The following TFG variants were observed in gnomAD, a reference collection of about 807,000 sequenced individuals.
TFG encodes the protein protein TFG.
In TFG, 22 loss-of-function variants were observed where a neutral mutation model predicts 51.4. That is an observed-to-expected ratio of 0.43 (90% CI 0.31 to 0.61). TFG has a LOEUF of 0.61. Among genes scored for constraint, TFG ranks in the 20% least tolerant of loss-of-function variants. The probability of loss-of-function intolerance (pLI) is 0.12; values close to 1 mark genes in which losing one functional copy is unlikely to be tolerated. For missense variants in TFG, 419 were observed against 487.7 expected (o/e 0.86, Z 1.33); for synonymous variants, 187 against 165.6 (o/e 1.13, Z -0.99).
At chr3:100,723,853 C>G (rs1267988409) in intron 3 of TFG, among the ~76,000 whole-genome samples, 1 of 150,796 alleles carries the variant, frequency 6.6e-6, no homozygotes, top group African/African-American at 2.4e-5. Flanking sequence ...TTCGAGTACT[C>G]ATAGTGCATT....
chr3:100,732,188 A>G (rs1051717472), intron 4 of TFG, among the ~76,000 whole-genome samples: 1 of 152,184 alleles, frequency 6.6e-6, no homozygotes, highest in Non-Finnish European at 1.5e-5. Context: ...GGGCTCCAAA[A>G]AAACCAAAAA....
At chr3:100,736,128 A>T (rs866782842) in intron 5 of TFG, among the ~76,000 whole-genome samples, 4 of 152,248 alleles carry the variant, frequency 2.6e-5, no homozygotes, top group Non-Finnish European at 5.9e-5. Flanking sequence ...AGGTTAGTTT[A>T]GCTGAAAGGG....
At chr3:100,733,312 G>C (rs1291682373) in intron 5 of TFG, among the ~76,000 whole-genome samples, 1 of 152,034 alleles carries the variant, frequency 6.6e-6, no homozygotes, top group African/African-American at 2.4e-5. Flanking sequence ...TGTTCTTCAG[G>C]TTGGGTGATT....
chr3:100,741,731 C>T (rs1284528504), intron 6 of TFG, among the ~76,000 whole-genome samples: 1 of 152,132 alleles, frequency 6.6e-6, no homozygotes, highest in African/African-American at 2.4e-5. Flanking sequence ...ATGGTAAGTG[C>T]CCTAGGCAGG....
chr3:100,719,769 CATAAGAGTA>C (rs2095055679), intron 2 of TFG, among the ~76,000 whole-genome samples, 197 bp from the exon 3 acceptor site: 2 of 152,024 alleles, frequency 1.3e-5, no homozygotes, highest in Admixed American at 6.6e-5. Flanking sequence ...AATACCTTGC[CATAAGAGTA>C]ATAAGCAAAA....
At position 100,714,007 on chromosome 3, in the gene TFG, C is replaced by G. The variant is rs965019415; in HGVS notation, c.184+138C>G. ...CCTCAAACTCCTGGGCTCAAGCAAT[C>G]CTGCCTCGGCCTCCCAAAGTGCTGG... is the stretch of plus-strand genomic sequence containing the variant. On this transcript the variant is annotated intron_variant, in intron 2 of 7. Transcript: ENST00000240851. 2.2e-5 allele frequency: 10 copies of G among 457,504 alleles called. No individual in the cohort carries two copies. The East Asian group carries it at 2.8e-4, about 13-fold the overall frequency. The allele number at this position is 457,504 out of a possible 1,614,324, so 28.3% of individuals were successfully genotyped here.
intron 6 of TFG, chr3:100,742,379 A>G (rs2095123674): frequency 6.6e-6 from 1 of 152,224 alleles, no homozygotes; most frequent in African/African-American, 2.4e-5. Context: ...AAAGACTAAA[A>G]ACAAATGTGA....
chr3:100,726,273 G>C (rs1014761804), intron 3 of TFG, among the ~76,000 whole-genome samples: 2 of 152,234 alleles, frequency 1.3e-5, no homozygotes, highest in Non-Finnish European at 2.9e-5. Flanking sequence ...TAAAGACCCA[G>C]CAAGCAAACT....
rs1258823490 is a variant in TFG at position 100,748,127 on chromosome 3, G to A, written c.821-22G>A. ...AGTTTTACTAAAAGATAAGATACATGTTATTTATTTTGCCTTTTCAGCAAG... is the reference window on the plus strand; with the variant it reads ...AGTTTTACTAAAAGATAAGATACATATTATTTATTTTGCCTTTTCAGCAAG... On this transcript the variant is annotated intron_variant, in intron 7 of 7. Transcript: ENST00000240851. 1.9e-6 allele frequency: 3 copies of A among 1,603,770 alleles called. No individual in the cohort carries two copies. The African/African-American group carries it at 4.0e-5, about 22-fold the overall frequency.
intron 1 of TFG, among the ~76,000 whole-genome samples, chr3:100,711,483 G>A (rs1020166911): frequency 6.6e-6 from 1 of 152,122 alleles, no homozygotes; most frequent in South Asian, 2.1e-4. Flanking sequence ...TTCAAAGCTG[G>A]AATTTTTTTC....
chr3:100,716,021 G>A (rs2095044888), intron 2 of TFG, among the ~76,000 whole-genome samples: 2 of 151,870 alleles, frequency 1.3e-5, no homozygotes, highest in African/African-American at 4.8e-5. Context: ...ATTAGATCAG[G>A]GTAATTCGCA....
At chr3:100,727,024 T>A (rs1038426280) in intron 3 of TFG, among the ~76,000 whole-genome samples, 1 of 152,180 alleles carries the variant, frequency 6.6e-6, no homozygotes, top group Non-Finnish European at 1.5e-5. Context: ...GATAAAAGGT[T>A]GTTTGGTCAT....
intron 6 of TFG, among the ~76,000 whole-genome samples, chr3:100,741,987 T>G (rs2095122464): frequency 6.6e-6 from 1 of 152,200 alleles, no homozygotes; most frequent in Non-Finnish European, 1.5e-5. Flanking sequence ...CCTACTCTTG[T>G]CATTAAGCAA....
intron 3 of TFG, 133 bp downstream of exon 3, chr3:100,720,191 A>T: frequency 1.8e-6 from 1 of 549,614 alleles, no homozygotes; most frequent in Non-Finnish European, 3.2e-6. Flanking sequence ...GTGTTCAGGT[A>T]GTTGTTTTAG....
chr3:100,714,472 C>T (rs2095040131), intron 2 of TFG, among the ~76,000 whole-genome samples: 2 of 151,720 alleles, frequency 1.3e-5, no homozygotes, highest in South Asian at 2.1e-4. Context: ...TGCACTCCAG[C>T]CTGGGTGACA....
At chr3:100,732,842 T>G (rs372494286) in intron 5 of TFG, among the ~76,000 whole-genome samples, 170 bp downstream of exon 5, 1 of 152,260 alleles carries the variant, frequency 6.6e-6, no homozygotes, top group African/African-American at 2.4e-5. Flanking sequence ...AAAGACTAAC[T>G]AGATTAAGAT....
chr3:100,721,873 G>C (rs531909665), intron 3 of TFG, among the ~76,000 whole-genome samples: 1 of 152,210 alleles, frequency 6.6e-6, no homozygotes, highest in Non-Finnish European at 1.5e-5. Flanking sequence ...AAAAGCAGCC[G>C]GCCGTGGTGG....
At chr3:100,716,226 C>CT (rs1344236744) in intron 2 of TFG, among the ~76,000 whole-genome samples, 1 of 152,144 alleles carries the variant, frequency 6.6e-6, no homozygotes, top group Non-Finnish European at 1.5e-5. Context: ...TTCCCCTACC[C>CT]TTTGCAGCCT....
chr3:100,738,747 A>G (rs921422657), intron 6 of TFG, among the ~76,000 whole-genome samples: 1 of 152,220 alleles, frequency 6.6e-6, no homozygotes, highest in Non-Finnish European at 1.5e-5. Flanking sequence ...CATCATTTAA[A>G]CTATTAATAA....
Sources: gnomAD v4.1 joint callset for allele counts (sites outside exome capture counted in the v4.1 genomes callset) on GRCh38, gnomAD v4.1.1 for gene constraint, MANE v1.5 for transcripts, NCBI Gene and HGNC (gene_info 2026-07-23, HGNC 2026-07-21) for gene names.